MSI2: variants seen among roughly 807,000 people sequenced by gnomAD.
The protein encoded by MSI2 is RNA-binding protein Musashi homolog 2.
Under a neutral mutation model 45.6 loss-of-function variants are expected in MSI2, and 17 were observed. That is an observed-to-expected ratio of 0.37 (90% CI 0.26 to 0.56). The LOEUF (loss-of-function observed/expected upper bound fraction) is 0.56. Among genes scored for constraint, MSI2 ranks in the 20% least tolerant of loss-of-function variants. MSI2 has a pLI of 0.77. For synonymous variants in MSI2, 156 were observed against 158.2 expected (o/e 0.99, Z 0.11); for missense variants, 293 against 444.2 (o/e 0.66, Z 3.06).
chr17:57,343,891 T>C (rs1217735060), intron 5 of MSI2, among the ~76,000 whole-genome samples: 3 of 152,234 alleles, frequency 2.0e-5, no homozygotes, highest in Non-Finnish European at 4.4e-5. Flanking sequence ...ATTCAAGTTA[T>C]GCTTTCCTGG....
chr17:57,280,596 C>T lies in MSI2; in HGVS notation c.312+18404C>T, dbSNP rs577798086. On this transcript the variant is annotated intron_variant, in intron 5 of 13. Transcript: ENST00000284073. This position sits in a 1 kb window ranked among gnomAD's most constrained non-coding sequence, Gnocchi z 4.2. ...CCTCCGTGAGATTGAGAGTGTTGGC[C>T]CATGCAGGGGACAGGCAGGGCAGGT... Among the ~76,000 whole-genome samples the T allele has an allele frequency of 1.3e-5, 2 of 152,038 alleles. No homozygotes were observed. The highest frequency in any genetic ancestry group is 1.3e-4 in the Admixed American group (2 of 15,298).
At chr17:57,654,919 T>G (rs1411220017) in intron 11 of MSI2, among the ~76,000 whole-genome samples, 2 of 145,668 alleles carry the variant, frequency 1.4e-5, no homozygotes, top group Admixed American at 6.7e-5. Flanking sequence ...GTTTGGGTTT[T>G]TTTTTTTTTT....
At chr17:57,390,472 G>A (rs544696394) in intron 5 of MSI2, among the ~76,000 whole-genome samples, 4 of 152,334 alleles carry the variant, frequency 2.6e-5, no homozygotes, top group East Asian at 1.9e-4. Flanking sequence ...CCATGCGAAT[G>A]TGCAGCCAGA....
intron 7 of MSI2, among the ~76,000 whole-genome samples, chr17:57,556,641 G>C (rs550112486): frequency 6.6e-6 from 1 of 152,266 alleles, no homozygotes; most frequent in East Asian, 1.9e-4. Context: ...TGGCTGGTTG[G>C]GTCTTTGCCA....
At chr17:57,299,023 T>G (rs1436310406) in intron 5 of MSI2, among the ~76,000 whole-genome samples, 4 of 152,280 alleles carry the variant, frequency 2.6e-5, no homozygotes. Context: ...CAGCACTTGC[T>G]GTATTACTTT....
At chr17:57,567,322 G>T (rs1056966095) in intron 7 of MSI2, among the ~76,000 whole-genome samples, 3 of 152,156 alleles carry the variant, frequency 2.0e-5, no homozygotes, top group African/African-American at 7.2e-5. Flanking sequence ...GTAGCTTTTT[G>T]TATTCAATTT....
intron 6 of MSI2, among the ~76,000 whole-genome samples, chr17:57,443,381 C>T (rs2084836897): frequency 6.6e-6 from 1 of 152,212 alleles, no homozygotes; most frequent in African/African-American, 2.4e-5. Context: ...GACTTCCTGG[C>T]AGCTGTGCCG....
chr17:57,337,408 A>C (rs1264480490), intron 5 of MSI2, among the ~76,000 whole-genome samples: 1 of 152,142 alleles, frequency 6.6e-6, no homozygotes, highest in Non-Finnish European at 1.5e-5. Context: ...GAATACTCAC[A>C]GCTTTAAAAC....
At chr17:57,573,045 C>T (rs760485577) in intron 7 of MSI2, among the ~76,000 whole-genome samples, 10 of 152,162 alleles carry the variant, frequency 6.6e-5, no homozygotes, top group South Asian at 2.1e-4. Flanking sequence ...AGTGCCCCCT[C>T]GTAGAGTCCA....
chr17:57,662,532 G>A (rs1912062889), intron 11 of MSI2, among the ~76,000 whole-genome samples: 1 of 152,204 alleles, frequency 6.6e-6, no homozygotes, highest in Admixed American at 6.5e-5. Context: ...AGTTTGGAAA[G>A]GATAGTAGCT....
chr17:57,508,898 C>G (rs1319460709), intron 6 of MSI2, among the ~76,000 whole-genome samples: 1 of 152,216 alleles, frequency 6.6e-6, no homozygotes, highest in Admixed American at 6.5e-5. Context: ...CAAGGCTGTT[C>G]CGGGACCCAT....
chr17:57,422,414 C>T (rs1291892800), intron 6 of MSI2, among the ~76,000 whole-genome samples: 1 of 151,800 alleles, frequency 6.6e-6, no homozygotes. Flanking sequence ...GAGCTGAGAT[C>T]GCACCACTGC....
chr17:57,545,490 T>TG (rs2087144220), intron 7 of MSI2, among the ~76,000 whole-genome samples: 1 of 152,210 alleles, frequency 6.6e-6, no homozygotes, highest in Non-Finnish European at 1.5e-5. Context: ...CCCCTTTAGT[T>TG]GCAGCAGCTA....
intron 7 of MSI2, among the ~76,000 whole-genome samples, chr17:57,546,897 G>A (rs1210991937): frequency 3.9e-5 from 6 of 152,222 alleles, no homozygotes; most frequent in Non-Finnish European, 4.4e-5. Flanking sequence ...GAACAAGGCA[G>A]GCCAAATCCC....
chr17:57,271,744 CTT>C (rs60803369), intron 5 of MSI2, among the ~76,000 whole-genome samples: 40 of 107,582 alleles, frequency 3.7e-4, no homozygotes, highest in Middle Eastern at 6.0e-3. Context: ...CCACTGCAAT[CTT>C]TTTTTTTTTT....
intron 6 of MSI2, among the ~76,000 whole-genome samples, chr17:57,412,150 G>A (rs1017624160): frequency 6.6e-6 from 1 of 151,856 alleles, no homozygotes; most frequent in African/African-American, 2.4e-5. Context: ...CAATTCTCCT[G>A]CCTCAGCTTC....
At chr17:57,664,923 G>A (rs866823024) in intron 11 of MSI2, among the ~76,000 whole-genome samples, 6 of 152,200 alleles carry the variant, frequency 3.9e-5, no homozygotes, top group Admixed American at 6.5e-5. Context: ...GCAGTGGCCA[G>A]GCTGCATCAC....
intron 6 of MSI2, among the ~76,000 whole-genome samples, chr17:57,434,925 G>C (rs2143413836): frequency 6.6e-6 from 1 of 152,182 alleles, no homozygotes; most frequent in South Asian, 2.1e-4. Flanking sequence ...TAGGCACTGG[G>C]GGATATAAGA....
chr17:57,364,506 A>G (rs149540667), intron 5 of MSI2, among the ~76,000 whole-genome samples: 5 of 152,320 alleles, frequency 3.3e-5, no homozygotes, highest in African/African-American at 1.2e-4. Flanking sequence ...GTCAAATTCA[A>G]CAATTATTTC....
Sources: gnomAD v4.1 joint callset for allele counts (sites outside exome capture counted in the v4.1 genomes callset) on GRCh38, gnomAD v4.1.1 for gene constraint, Gnocchi (gnomAD v3.1) non-coding constraint, MANE v1.5 for transcripts, NCBI Gene and HGNC (gene_info 2026-07-23, HGNC 2026-07-21) for gene names.